The following RPS6KC1 variants were observed in gnomAD, a reference collection of about 807,000 sequenced individuals.
RPS6KC1 encodes the protein ribosomal protein S6 kinase C1.
In RPS6KC1, 54 loss-of-function variants were observed where a neutral mutation model predicts 103.8. The ratio of observed to expected loss-of-function variants is 0.52; its 90% confidence interval spans 0.42 to 0.65. The LOEUF (loss-of-function observed/expected upper bound fraction) is 0.65, where lower values mean the gene tolerates loss of function less well. Among genes scored for constraint, RPS6KC1 ranks in the 30% least tolerant of loss-of-function variants. RPS6KC1 has a pLI of 0.00. For missense variants in RPS6KC1, 1,151 were observed against 1,253.8 expected (o/e 0.92, Z 1.24); for synonymous variants, 439 against 438.7 (o/e 1.00, Z -0.01).
At chr1:213,537,124 T>G in the RPS6KC1 span, among the ~76,000 whole-genome samples, 2 of 152,208 alleles carry the variant, frequency 1.3e-5, no homozygotes, top group African/African-American at 4.8e-5. Flanking sequence ...GGCCTCCACC[T>G]GGCAACTTCA....
chr1:213,214,148 G>A (rs144760584), intron 8 of RPS6KC1, among the ~76,000 whole-genome samples: 1 of 152,230 alleles, frequency 6.6e-6, no homozygotes, highest in Non-Finnish European at 1.5e-5. Flanking sequence ...GATGACAGAT[G>A]GCACCTGGAA....
At chr1:213,343,442 CAT>C in the RPS6KC1 span, among the ~76,000 whole-genome samples, 10,172 of 68,874 alleles carry the variant, frequency 0.15, 1,747 homozygotes, top group Middle Eastern at 0.29. Flanking sequence ...TATATATATA[CAT>C]ACCATGGAAT....
chr1:213,447,543 GCATATCACCATTTGGACTGGC>G, the RPS6KC1 span, among the ~76,000 whole-genome samples: 1 of 152,162 alleles, frequency 6.6e-6, no homozygotes, highest in Admixed American at 6.5e-5. Flanking sequence ...TATACTCATG[GCATATCACCATTTGGACTGGC>G]CACATTTCAA....
the RPS6KC1 span, among the ~76,000 whole-genome samples, chr1:213,519,230 G>A: frequency 6.6e-6 from 1 of 152,252 alleles, no homozygotes; most frequent in South Asian, 2.1e-4. Flanking sequence ...TCATACGGAG[G>A]TTCATGCTGA....
chr1:213,232,185 C>T lies in RPS6KC1; in HGVS notation c.1155C>T (p.Pro385=). The change falls in exon 10 of 15, where the codon CCC becomes CCT. Residue 385 remains proline (P), a synonymous_variant. Coordinates refer to ENST00000366960, the MANE Select transcript of RPS6KC1 (RefSeq NM_012424.6). ...NRKTIIPRCV[P]NMVCLHKYII... is the part of the protein sequence containing the mutation. ...AGACCATCATCCCCCGCTGTGTGCC[C>T]AACATGGTGTGTCTGCATAAGTACA... The T allele has an allele frequency of 1.9e-6, 3 of 1,614,002 alleles. No individual in the cohort carries two copies. The highest frequency in any genetic ancestry group is 1.3e-5 in the African/African-American group (1 of 75,032).
chr1:213,365,549 G>GT, the RPS6KC1 span, among the ~76,000 whole-genome samples: 1 of 152,188 alleles, frequency 6.6e-6, no homozygotes, highest in African/African-American at 2.4e-5. Flanking sequence ...CAGGGGAGTG[G>GT]TATATCAAAA....
the RPS6KC1 span, among the ~76,000 whole-genome samples, chr1:213,487,784 AACAAG>A: frequency 4.5e-4 from 69 of 152,286 alleles, 2 homozygotes; most frequent in Middle Eastern, 0.017. Context: ...GATTCCATGA[AACAAG>A]ACAAGCAAAG....
At chr1:213,343,391 G>GCA in the RPS6KC1 span, among the ~76,000 whole-genome samples, 1 of 65,876 alleles carries the variant, frequency 1.5e-5, no homozygotes, top group Non-Finnish European at 3.1e-5. Context: ...AGTGTTGTGT[G>GCA]TATATATATA....
the RPS6KC1 span, among the ~76,000 whole-genome samples, chr1:213,338,396 G>C: frequency 9.9e-5 from 15 of 152,204 alleles, no homozygotes; most frequent in Non-Finnish European, 1.9e-4. Flanking sequence ...TTCATAGTTT[G>C]TACATTCTTT....
the RPS6KC1 span, among the ~76,000 whole-genome samples, chr1:213,573,824 G>T: frequency 6.6e-6 from 1 of 152,174 alleles, no homozygotes; most frequent in African/African-American, 2.4e-5. Context: ...AACCTCAAAT[G>T]CCAGGCTCTA....
At chr1:213,209,710 A>G (rs908092113) in intron 8 of RPS6KC1, among the ~76,000 whole-genome samples, 7 of 151,130 alleles carry the variant, frequency 4.6e-5, no homozygotes, top group African/African-American at 1.5e-4. Context: ...AAAAAAAAAA[A>G]AAAAAAAAAA....
At chr1:213,222,266 C>G (rs569255661) in intron 8 of RPS6KC1, among the ~76,000 whole-genome samples, 67 of 152,122 alleles carry the variant, frequency 4.4e-4, no homozygotes, top group Non-Finnish European at 9.4e-4. Flanking sequence ...CTTTGTTACC[C>G]ATAAATCTTG....
the RPS6KC1 span, among the ~76,000 whole-genome samples, chr1:213,484,774 G>A: frequency 4.6e-4 from 70 of 152,376 alleles, no homozygotes; most frequent in African/African-American, 1.7e-3. Context: ...ATTGCAAATA[G>A]CTTTTCTTGG....
chr1:213,798,220 C>T, the RPS6KC1 span, among the ~76,000 whole-genome samples: 3 of 152,202 alleles, frequency 2.0e-5, no homozygotes, highest in Admixed American at 6.5e-5. Context: ...TGTGCAGCTA[C>T]GCCCTGCCGT....
chr1:213,117,524 T>G, intron 5 of RPS6KC1, 114 bp downstream of exon 5: 1 of 558,864 alleles, frequency 1.8e-6, no homozygotes. Context: ...ATTTCACTGA[T>G]TCTAAGATGC....
chr1:213,738,434 G>C, the RPS6KC1 span, among the ~76,000 whole-genome samples: 1 of 152,160 alleles, frequency 6.6e-6, no homozygotes, highest in South Asian at 2.1e-4. Context: ...GACAACTGAT[G>C]AGGCGGAGTT....
At chr1:213,823,374 C>T in the RPS6KC1 span, among the ~76,000 whole-genome samples, 19 of 152,218 alleles carry the variant, frequency 1.2e-4, no homozygotes, top group South Asian at 1.2e-3. Flanking sequence ...GCCTGGCACA[C>T]GATAGATGCT....
the RPS6KC1 span, among the ~76,000 whole-genome samples, chr1:213,701,209 ATTGAG>A: frequency 6.6e-6 from 1 of 150,912 alleles, no homozygotes; most frequent in Admixed American, 6.6e-5. Context: ...CTTTTATTAT[ATTGAG>A]TTATGTTCCT....
chr1:213,493,553 G>A, the RPS6KC1 span, among the ~76,000 whole-genome samples: 17 of 152,148 alleles, frequency 1.1e-4, no homozygotes, highest in Non-Finnish European at 2.1e-4. Context: ...AGACATAATC[G>A]GGAAAATGAT....
Sources: allele counts gnomAD v4.1 joint callset (sites outside exome capture counted in the v4.1 genomes callset), GRCh38; gene constraint gnomAD v4.1.1; transcripts MANE v1.5; gene names NCBI Gene and HGNC (gene_info 2026-07-23, HGNC 2026-07-21).